TAF8: variants seen among roughly 807,000 people sequenced by gnomAD.
The protein encoded by TAF8 is transcription initiation factor TFIID subunit 8.
Under a neutral mutation model 36.5 loss-of-function variants are expected in TAF8, and 47 were observed. That is an observed-to-expected ratio of 1.29 (90% CI 1.02 to 1.64). TAF8 has a LOEUF of 1.64. Ranked by LOEUF, TAF8 falls within the 40% of genes most tolerant of loss-of-function variation. TAF8 has a pLI of 0.00. For synonymous variants in TAF8, 175 were observed against 159.5 expected (o/e 1.10, Z -0.73); for missense variants, 420 against 407.6 (o/e 1.03, Z -0.26).
chr6:42,053,509 G>A (rs192540661), intron 2 of TAF8, among the ~76,000 whole-genome samples: 40 of 149,670 alleles, frequency 2.7e-4, no homozygotes, highest in East Asian at 9.8e-4. Flanking sequence ...AGATTGCATT[G>A]AGCCAAGATC....
At chr6:42,072,948 C>T (rs1279193815) in intron 7 of TAF8, among the ~76,000 whole-genome samples, 1 of 151,946 alleles carries the variant, frequency 6.6e-6, no homozygotes, top group African/African-American at 2.4e-5. Flanking sequence ...TGGTCTCGAT[C>T]TCCCGACCTC....
intron 1 of TAF8, chr6:42,051,035 C>G (rs1474644503): frequency 9.2e-7 from 1 of 1,083,224 alleles, no homozygotes; most frequent in Non-Finnish European, 1.1e-6. Flanking sequence ...CCTGTTTTTT[C>G]TGCGGGACAC....
chr6:42,064,032 A>G (rs1765272001), intron 5 of TAF8, among the ~76,000 whole-genome samples: 1 of 152,228 alleles, frequency 6.6e-6, no homozygotes, highest in Non-Finnish European at 1.5e-5. Context: ...CATCACAAAC[A>G]TATGTAACAT....
rs1328379670 is a variant in TAF8 at position 42,081,356 on chromosome 6, C to CT, written c.*3821dup. The CT allele has an allele frequency of 3.1e-3, 465 of 147,960 alleles. 4 individuals carry two copies. Among genetic ancestry groups the CT allele is most frequent in the Non-Finnish European group, 3.8e-3 (253 of 66,584 alleles). The allele number at this position is 147,960 out of a possible 1,614,324, so 9.2% of individuals were successfully genotyped here. A position where few individuals can be genotyped will look rare whatever the true frequency, so the allele number is the denominator to read the frequency against. On this transcript the variant is annotated 3_prime_UTR_variant, in exon 9 of 9. Transcript: ENST00000372977. The stretch of plus-strand genomic sequence containing the variant: ...CACCACCACGCCTGGCTAATTTTTT[C>CT]TTTTTTTTTTGGAGACGGAGTCTCG...
At position 42,080,009 on chromosome 6, in the gene TAF8, T is replaced by C; in HGVS notation, c.*2464T>C. 7 of 926,238 alleles carry C rather than the reference T, an allele frequency of 7.6e-6. No individual in the cohort carries two copies. Among genetic ancestry groups the C allele is most frequent in the Non-Finnish European group, 9.0e-6 (7 of 778,014 alleles). The allele number at this position is 926,238 out of a possible 1,614,324, so 57.4% of individuals were successfully genotyped here. A position where few individuals can be genotyped will look rare whatever the true frequency, so the allele number is the denominator to read the frequency against. ...GGGGACGCTAGTAAAAAAAAAAAAA[T>C]TGGATTCCCCAACTGGACTAAATAG... On this transcript the variant is annotated 3_prime_UTR_variant, in exon 9 of 9. Coordinates refer to ENST00000372977, the MANE Select transcript of TAF8 (RefSeq NM_138572.3).
At chr6:42,051,562 C>A in intron 2 of TAF8, 49 bp downstream of exon 2, 1 of 1,579,820 alleles carries the variant, frequency 6.3e-7, no homozygotes, top group South Asian at 1.1e-5. Flanking sequence ...AACATCAGTT[C>A]TGTGCCCTGC....
At position 42,055,305 on chromosome 6, in the gene TAF8, G is replaced by A. The variant is rs1764937779; in HGVS notation, c.203-226G>A. 2.6e-5 allele frequency among the ~76,000 whole-genome samples: 4 copies of A among 152,294 alleles called. No homozygotes were observed. The South Asian group carries it at 8.3e-4, about 32-fold the overall frequency. The stretch of plus-strand genomic sequence containing the variant: ...TTTAAAGGCTGAATAATATTCCATT[G>A]TATGTATACAGCACATTTTGTTTGT... On this transcript the variant is annotated intron_variant, in intron 2 of 8. Transcript: ENST00000372977.
chr6:42,077,366 C>T, intron 8 of TAF8, 127 bp downstream of exon 8: 1 of 1,492,960 alleles, frequency 6.7e-7, no homozygotes, highest in South Asian at 1.3e-5. Context: ...AGGGAATAGT[C>T]TCCCTTTTCC....
At chr6:42,086,731 C>T (rs1452575975), downstream of TAF8, 3 of 1,551,210 alleles carry the variant, frequency 1.9e-6, no homozygotes, top group Admixed American at 5.9e-5. Context: ...CAGATACATT[C>T]TAGAGAATTG....
chr6:42,051,671 G>A (rs1764796488), intron 2 of TAF8, 158 bp downstream of exon 2: 1 of 734,974 alleles, frequency 1.4e-6, no homozygotes. Flanking sequence ...AAAGAAAACA[G>A]CACAATGGGC....
At chr6:42,068,731 G>A in intron 7 of TAF8, 124 bp downstream of exon 7, 1 of 1,142,522 alleles carries the variant, frequency 8.8e-7, no homozygotes, top group Admixed American at 1.9e-5. Flanking sequence ...TTAGGGGCCT[G>A]CATAAGGGCT....
At chr6:42,057,592 A>G (rs755423080) in intron 5 of TAF8, 79 bp downstream of exon 5, 4 of 1,568,464 alleles carry the variant, frequency 2.6e-6, no homozygotes, top group Admixed American at 1.8e-5. Flanking sequence ...GGCAGAGTCC[A>G]GTCCAAAAGC....
intron 2 of TAF8, among the ~76,000 whole-genome samples, chr6:42,054,097 A>T (rs1764895319): frequency 6.6e-6 from 1 of 152,140 alleles, no homozygotes; most frequent in Admixed American, 6.5e-5. Flanking sequence ...ATTCCCCAAA[A>T]AATGCTTTTT....
downstream of TAF8, chr6:42,086,985 G>A: frequency 1.7e-6 from 1 of 593,936 alleles, no homozygotes; most frequent in Non-Finnish European, 3.0e-6. Context: ...GAAGTGCAGG[G>A]CGAGTTCTGC....
At chr6:42,086,793 G>T, downstream of TAF8, 1 of 1,529,756 alleles carries the variant, frequency 6.5e-7, no homozygotes, top group South Asian at 1.2e-5. Flanking sequence ...CGGTCACCAG[G>T]AGAGCAGCCA....
At position 42,055,557 on chromosome 6, in the gene TAF8, A is replaced by C. The variant is rs755019294; in HGVS notation, c.229A>C (p.Lys77Gln). 6.2e-7 allele frequency: 1 copy of C among 1,614,180 alleles called. No homozygotes were observed. Among genetic ancestry groups the C allele is most frequent in the Non-Finnish European group, 8.5e-7 (1 of 1,180,006 alleles). Residue 77 changes from lysine to glutamine, a missense_variant, in exon 3 of 9, where the codon AAG (lysine) becomes CAG (glutamine). Transcript: ENST00000372977. ...SYISEIGRSA[K>Q]SYCEHTARTQ... ...CATTTCAGAAATTGGGAGAAGTGCC[A>C]AGTCTTACTGTGAGCACACAGCCAG...
Position 42,078,764 on chromosome 6 carries a change from C to A in TAF8, c.*1219C>A. ...TTCTGGAAGAAGAGGTTTTCTCTGA[C>A]AAGAGCCTAGAGCGTCGGCTCTATT... is the stretch of plus-strand genomic sequence containing the variant. On this transcript the variant is annotated 3_prime_UTR_variant, in exon 9 of 9. Transcript: ENST00000372977. The A allele has an allele frequency of 3.0e-6, 3 of 985,460 alleles. No homozygotes were observed. Among genetic ancestry groups the A allele is most frequent in the Non-Finnish European group, 3.6e-6 (3 of 829,968 alleles). 61.0% of individuals were successfully genotyped at this position (985,460 alleles called of 1,614,324 possible). A position where few individuals can be genotyped will look rare whatever the true frequency, so the allele number is the denominator to read the frequency against.
downstream of TAF8, among the ~76,000 whole-genome samples, chr6:42,086,444 A>T (rs1162936678): frequency 6.6e-6 from 1 of 152,196 alleles, no homozygotes; most frequent in Non-Finnish European, 1.5e-5. Context: ...TCTGAACAGA[A>T]TGTGGCTTTC....
intron 6 of TAF8, among the ~76,000 whole-genome samples, chr6:42,066,709 G>C (rs991115637): frequency 2.6e-5 from 4 of 152,134 alleles, no homozygotes; most frequent in African/African-American, 9.7e-5. Flanking sequence ...GGTAGCCTAG[G>C]CCTAGGCATC....
Sources: gnomAD v4.1 joint callset for allele counts (sites outside exome capture counted in the v4.1 genomes callset) on GRCh38, gnomAD v4.1.1 for gene constraint, MANE v1.5 for transcripts, NCBI Gene and HGNC (gene_info 2026-07-23, HGNC 2026-07-21) for gene names.